The following OTOGL variants were observed in gnomAD, a reference collection of about 807,000 sequenced individuals.
OTOGL encodes otogelin like, also known as otogelin-like protein.
A neutral mutation model predicts 318.5 loss-of-function variants in OTOGL; 285 were observed. The ratio of observed to expected loss-of-function variants is 0.89; its 90% CI spans 0.81 to 0.99. The LOEUF (loss-of-function observed/expected upper bound fraction) is 0.99, where lower values mean the gene tolerates loss of function less well. Among genes scored for constraint, OTOGL ranks in the 50% least tolerant of loss-of-function variants. OTOGL has a pLI of 0.00. For synonymous variants in OTOGL, 987 were observed against 936.5 expected (o/e 1.05, Z -0.99); for missense variants, 2,899 against 2,845.6 (o/e 1.02, Z -0.43).
At chr12:80,174,140 G>A (rs1265636042) in intron 1 of OTOGL, among the ~76,000 whole-genome samples, 1 of 152,150 alleles carries the variant, frequency 6.6e-6, no homozygotes, top group Non-Finnish European at 1.5e-5. Context: ...GGAGTCTCTA[G>A]CTGATTCCAA....
In OTOGL at chr12:80,320,614, T is replaced by G; in HGVS notation, c.3995T>G (p.Phe1332Cys). 6.2e-7 allele frequency: 1 copy of G among 1,611,790 alleles called. No homozygotes were observed. Among genetic ancestry groups the G allele is most frequent in the East Asian group, 2.2e-5 (1 of 44,866 alleles). Residue 1332 changes from phenylalanine to cysteine, a missense_variant, in exon 34 of 59, where the codon TTC (phenylalanine) becomes TGC (cysteine). Physicochemically the swap from Phe to Cys is radical, Grantham distance 205. Transcript: ENST00000547103. ...GAGTTATACAGCAAGAAAGGCTTTT[T>G]CATCATATTCACAGATTCTAGTGTC... ...AFELYSKKGF[F>C]IIFTDSSVKA... is the part of the protein sequence containing the mutation.
intron 1 of OTOGL, among the ~76,000 whole-genome samples, chr12:80,182,273 T>C (rs1187924882): frequency 6.6e-6 from 1 of 152,182 alleles, no homozygotes; most frequent in Non-Finnish European, 1.5e-5. Flanking sequence ...GTGAAATCTA[T>C]AACAGAGGCT....
chr12:80,317,990 G>A (rs1245290555), intron 32 of OTOGL, among the ~76,000 whole-genome samples: 1 of 152,102 alleles, frequency 6.6e-6, no homozygotes. Flanking sequence ...TGTCCCAGAT[G>A]ATGGGTCAGT....
At chr12:80,226,487 G>C (rs1878869130) in intron 7 of OTOGL, among the ~76,000 whole-genome samples, 1 of 152,012 alleles carries the variant, frequency 6.6e-6, no homozygotes, top group Non-Finnish European at 1.5e-5. Flanking sequence ...CATTAAGCAA[G>C]TTATCAGCTT....
chr12:80,343,509 G>GGTTTTTTTTT lies in OTOGL; in HGVS notation c.5265+1347_5265+1348insGTTTTTTTTT. ...TACATTTTTATTATTTTTTATTCTT[G>GGTTTTTTTTT]TTTTTTTTTTTTTTTTTTTTTTTTT... On this transcript the variant is annotated intron_variant, in intron 44 of 58. Transcript: ENST00000547103. 51 of 35,854 alleles carry GGTTTTTTTTT rather than the reference G, an allele frequency of 1.4e-3. 15 individuals carry two copies. Among genetic ancestry groups the GGTTTTTTTTT allele is most frequent in the Non-Finnish European group, 1.6e-3 (31 of 19,828 alleles). 2.2% of individuals were successfully genotyped at this position (35,854 alleles called of 1,614,324 possible). A position where few individuals can be genotyped will look rare whatever the true frequency, so the allele number is the denominator to read the frequency against.
At chr12:80,275,092 C>T (rs1477274005) in intron 24 of OTOGL, among the ~76,000 whole-genome samples, 2 of 151,848 alleles carry the variant, frequency 1.3e-5, no homozygotes, top group Non-Finnish European at 2.9e-5. Flanking sequence ...ACTTTAAAGT[C>T]TTATTATTTA....
chr12:80,282,509 C>T lies in OTOGL; in HGVS notation c.2928+3343C>T, dbSNP rs184185315. 4.5e-3 allele frequency among the ~76,000 whole-genome samples: 676 copies of T among 150,432 alleles called. 7 individuals carry two copies. The highest frequency in any genetic ancestry group is 0.013 in the South Asian group (63 of 4,782). On this transcript the variant is annotated intron_variant, in intron 26 of 58. Transcript: ENST00000547103. ...GGATTTGGCAGTCATATAATTATAA[C>T]GGATGGTAAGTTGCCTATAGGGTAT...
chr12:80,366,498 TTATATATATAGGTTATATATATA>T (rs1890538531), intron 52 of OTOGL, 53 bp from the exon 53 acceptor site: 1 of 143,912 alleles, frequency 6.9e-6, no homozygotes, highest in South Asian at 1.7e-4. Flanking sequence ...ATCAATTGTT[TTATATATATAGGTTATATATATA>T]TATATATATA....
intron 1 of OTOGL, among the ~76,000 whole-genome samples, chr12:80,168,356 A>T (rs1032796593): frequency 9.9e-5 from 15 of 152,264 alleles, no homozygotes; most frequent in South Asian, 4.1e-4. Flanking sequence ...AGATATTTTT[A>T]AAAAATATAG....
At chr12:80,241,019 C>A (rs899906372) in intron 11 of OTOGL, among the ~76,000 whole-genome samples, 4 of 151,868 alleles carry the variant, frequency 2.6e-5, no homozygotes, top group African/African-American at 9.7e-5. Context: ...ATAAGTGATA[C>A]ATAGAAACTT....
intron 52 of OTOGL, among the ~76,000 whole-genome samples, chr12:80,360,574 C>T (rs972678880): frequency 6.6e-6 from 1 of 151,902 alleles, no homozygotes; most frequent in African/African-American, 2.4e-5. Context: ...CTCTGCCTCC[C>T]GGCTTCAAGT....
chr12:80,323,636 G>T, intron 34 of OTOGL, 87 bp from the exon 35 acceptor site: 2 of 1,023,754 alleles, frequency 2.0e-6, no homozygotes, highest in Non-Finnish European at 1.5e-6. Flanking sequence ...GTGACAGAGC[G>T]AGACTGTCTC....
rs752170947 is a variant in OTOGL at position 80,377,963 on chromosome 12, C to G, written c.6977C>G (p.Ser2326Cys). ...CGTGAAAATGGAGTACGAAACTTGT[C>G]TGTGCCTCTGTATTGCTCAGGAAAT... ...CCRENGVRNL[S>C]VPLYCSGNGT... is the part of the protein sequence containing the mutation. The change falls in exon 59 of 59, where the codon TCT becomes TGT. Residue 2326 changes from serine to cysteine, a missense_variant. By Grantham distance (112) the Ser-to-Cys change is moderately radical (BLOSUM62 -1). This residue lies in a region of OTOGL where 289 missense variants were observed against 304.6 expected (regional missense o/e 0.95). Transcript: ENST00000547103. 8 of 1,607,312 alleles carry G rather than the reference C, an allele frequency of 5.0e-6. No individual in the cohort carries two copies. Among genetic ancestry groups the G allele is most frequent in the Non-Finnish European group, 6.8e-6 (8 of 1,176,254 alleles).
At chr12:80,317,002 G>A (rs934297185) in intron 32 of OTOGL, among the ~76,000 whole-genome samples, 1 of 152,092 alleles carries the variant, frequency 6.6e-6, no homozygotes, top group South Asian at 2.1e-4. Flanking sequence ...TTAAAAAGTA[G>A]TAGAAGAATT....
At position 80,352,283 on chromosome 12, in the gene OTOGL, A is replaced by C; in HGVS notation, c.5266-12A>C. On this transcript the variant is annotated splice_polypyrimidine_tract_variant and intron_variant, in intron 44 of 58. Transcript: ENST00000547103. ...ACAATATAACTTATTTCAAGGCAAAATGTTTCTCTAGGTTTCACCGGAAGA... is the reference window on the plus strand; with the variant it reads ...ACAATATAACTTATTTCAAGGCAAACTGTTTCTCTAGGTTTCACCGGAAGA... The C allele has an allele frequency of 6.2e-7, 1 of 1,601,074 alleles. No individual in the cohort carries two copies. The highest frequency in any genetic ancestry group is 1.1e-5 in the South Asian group (1 of 88,380).
At chr12:80,242,400 C>T (rs183287198) in intron 11 of OTOGL, among the ~76,000 whole-genome samples, 183 of 152,180 alleles carry the variant, frequency 1.2e-3, no homozygotes, top group African/African-American at 4.3e-3. Flanking sequence ...AAAGGAAGGA[C>T]ATTATAATTA....
chr12:80,144,511 A>T (rs531634526), intron 1 of OTOGL, among the ~76,000 whole-genome samples: 1 of 149,250 alleles, frequency 6.7e-6, no homozygotes, highest in Non-Finnish European at 1.5e-5. Context: ...TGCCGCAATA[A>T]ACATACGTGT....
chr12:80,239,384 C>T lies in OTOGL; in HGVS notation c.997C>T (p.His333Tyr). ...GTTGCAGTTTCCTTTTCTGAGCTGC[C>T]ATGAGTATATCGATCCATACTTATA... Reference protein sequence around the residue: ...ILLQFPFLSCHEYIDPYLYIA... With the variant: ...ILLQFPFLSCYEYIDPYLYIA... The change falls in exon 11 of 59, where the codon CAT becomes TAT. Residue 333 changes from histidine to tyrosine, a missense_variant. Around this residue, in one of 3 missense-constraint regions of OTOGL, gnomAD observed 2,607 missense variants for 2,524.9 expected, o/e 1.03. Transcript: ENST00000547103. The T allele has an allele frequency of 1.9e-6, 3 of 1,611,198 alleles. No individual in the cohort carries two copies. Among genetic ancestry groups the T allele is most frequent in the Non-Finnish European group, 2.5e-6 (3 of 1,178,516 alleles).
intron 56 of OTOGL, among the ~76,000 whole-genome samples, chr12:80,371,027 T>G (rs1054638703): frequency 6.6e-6 from 1 of 152,048 alleles, no homozygotes; most frequent in African/African-American, 2.4e-5. Flanking sequence ...TTTTCTTTCT[T>G]AAACAAACAG....
Sources: allele counts gnomAD v4.1 joint callset (sites outside exome capture counted in the v4.1 genomes callset), GRCh38; gene constraint gnomAD v4.1.1; regional missense constraint gnomAD v4.1.1; transcripts MANE v1.5; gene names NCBI Gene and HGNC (gene_info 2026-07-23, HGNC 2026-07-21).